FAM135B: variants seen among roughly 807,000 people sequenced by gnomAD.
FAM135B encodes protein FAM135B.
In FAM135B, 43 loss-of-function variants were observed where a neutral mutation model predicts 127.7. That is an observed-to-expected ratio of 0.34 (90% CI 0.26 to 0.43). The LOEUF (loss-of-function observed/expected upper bound fraction) is 0.43. Ranked by LOEUF, FAM135B falls within the 20% of genes least tolerant of loss-of-function variation. FAM135B has a pLI of 1.00. For synonymous variants in FAM135B, 670 were observed against 665.1 expected, an observed-to-expected ratio of 1.01 and a Z score of -0.11; for missense variants, 1,558 against 1,725.6, an observed-to-expected ratio of 0.90 and a Z score of 1.72.
At position 138,366,392 on chromosome 8, in the gene FAM135B, T is replaced by A. The variant is rs185732056; in HGVS notation, c.77+1515A>T. Among the ~76,000 whole-genome samples, 561 of 152,058 alleles carry A rather than the reference T, an allele frequency of 3.7e-3. 3 individuals carry two copies. Among genetic ancestry groups the A allele is most frequent in the Admixed American group, 0.011 (166 of 15,278 alleles). The stretch of plus-strand genomic sequence containing the variant: ...CAGTAGCACAGCCTGGACTCAGGAG[T>A]ACTGGCCCCAAGCCCAGGGCTCCTA... On this transcript the variant is annotated intron_variant, in intron 2 of 19. Transcript: ENST00000395297.
At chr8:138,208,575 G>A (rs7008339) in intron 7 of FAM135B, among the ~76,000 whole-genome samples, 109,515 of 152,178 alleles carry the variant, frequency 0.72, 39,661 homozygotes, top group East Asian at 0.82. Flanking sequence ...CAAAGAAACA[G>A]AGTCCCACAA....
intron 2 of FAM135B, among the ~76,000 whole-genome samples, chr8:138,320,039 C>G (rs1168153554): frequency 6.6e-6 from 1 of 152,190 alleles, no homozygotes. Flanking sequence ...GAAACAGACT[C>G]TTCTACTGCA....
rs116659814 is a variant in FAM135B at position 138,177,864 on chromosome 8, C to A, written c.1030-444G>T. Among the ~76,000 whole-genome samples the A allele has an allele frequency of 6.2e-3, 949 of 152,246 alleles. 8 individuals are homozygous for A. The highest frequency in any genetic ancestry group is 0.02 in the African/African-American group (838 of 41,522). ...TCTAACTAGATGTTGATCTAAATACCAGCATATTTAGTTATGCATCAGCAC... is the reference window on the plus strand; with the variant it reads ...TCTAACTAGATGTTGATCTAAATACAAGCATATTTAGTTATGCATCAGCAC... On this transcript the variant is annotated intron_variant, in intron 10 of 19. Coordinates refer to ENST00000395297, the MANE Select transcript of FAM135B (RefSeq NM_015912.4).
chr8:138,190,583 T>C (rs954819895), intron 9 of FAM135B, among the ~76,000 whole-genome samples: 5 of 152,254 alleles, frequency 3.3e-5, no homozygotes, highest in Non-Finnish European at 7.3e-5. Context: ...ATCTACATTG[T>C]ATAGAGAATC....
chr8:138,402,136 T>G (rs540262699), intron 1 of FAM135B, among the ~76,000 whole-genome samples: 2 of 152,160 alleles, frequency 1.3e-5, no homozygotes, highest in African/African-American at 4.8e-5. Flanking sequence ...AAGGAATAGC[T>G]GCAGGTCAAC....
intron 2 of FAM135B, among the ~76,000 whole-genome samples, chr8:138,339,206 A>G (rs1343532120): frequency 6.6e-6 from 1 of 152,000 alleles, no homozygotes; most frequent in Non-Finnish European, 1.5e-5. Flanking sequence ...ACATGTATAC[A>G]TATGTAACTA....
intron 4 of FAM135B, among the ~76,000 whole-genome samples, chr8:138,263,252 C>T (rs1171326485): frequency 2.0e-5 from 3 of 152,094 alleles, no homozygotes; most frequent in Non-Finnish European, 2.9e-5. Flanking sequence ...TGGTCCGTAC[C>T]CGTGGCTATC....
chr8:138,343,436 T>C (rs1314807179), intron 2 of FAM135B, among the ~76,000 whole-genome samples: 1 of 152,208 alleles, frequency 6.6e-6, no homozygotes, highest in African/African-American at 2.4e-5. Flanking sequence ...CTCAGGACTC[T>C]GAAAGTCTCC....
intron 3 of FAM135B, among the ~76,000 whole-genome samples, chr8:138,304,585 A>G (rs768534918): frequency 2.6e-5 from 4 of 152,188 alleles, no homozygotes; most frequent in Non-Finnish European, 4.4e-5. Context: ...GAAAGAAAGA[A>G]AAAGGAAGGG....
chr8:138,181,745 T>C (rs1815062843), intron 9 of FAM135B, among the ~76,000 whole-genome samples: 1 of 152,112 alleles, frequency 6.6e-6, no homozygotes, highest in Non-Finnish European at 1.5e-5. Context: ...ATTCAGAGAG[T>C]CCACACACAG....
intron 12 of FAM135B, among the ~76,000 whole-genome samples, chr8:138,158,602 TCAAA>T (rs1416840888): frequency 6.6e-6 from 1 of 151,696 alleles, no homozygotes; most frequent in Non-Finnish European, 1.5e-5. Context: ...CAAGAAAAAA[TCAAA>T]CAACCCCATC....
At chr8:138,401,006 T>C (rs942336426) in intron 1 of FAM135B, among the ~76,000 whole-genome samples, 6 of 152,170 alleles carry the variant, frequency 3.9e-5, no homozygotes, top group African/African-American at 1.4e-4. Context: ...ATTCACAAAA[T>C]GTTTGGGATT....
chr8:138,291,363 T>C (rs1220605517), intron 3 of FAM135B, among the ~76,000 whole-genome samples: 1 of 152,126 alleles, frequency 6.6e-6, no homozygotes, highest in Non-Finnish European at 1.5e-5. Context: ...CACACAAGCA[T>C]TTATACAAGA....
At position 138,243,450 on chromosome 8, in the gene FAM135B, G is replaced by C. The variant is rs537304458; in HGVS notation, c.543-382C>G. Among the ~76,000 whole-genome samples, 1 of 152,152 alleles carries C rather than the reference G, an allele frequency of 6.6e-6. No homozygotes were observed. The highest frequency in any genetic ancestry group is 1.5e-5 in the Non-Finnish European group (1 of 68,028). On this transcript the variant is annotated intron_variant, in intron 6 of 19. Coordinates refer to ENST00000395297, the MANE Select transcript of FAM135B (RefSeq NM_015912.4). This position sits in a 1 kb window ranked among gnomAD's most constrained non-coding sequence, Gnocchi z 7.5. The stretch of plus-strand genomic sequence containing the variant: ...CAGACAAGGTCTGAGTCCTGTCCCT[G>C]CTCCTTCCACCAACTCCTCCCTCCC...
intron 11 of FAM135B, among the ~76,000 whole-genome samples, chr8:138,171,014 C>G (rs528411870): frequency 5.9e-5 from 9 of 152,190 alleles, no homozygotes; most frequent in Non-Finnish European, 1.3e-4. Context: ...GCACTCCATG[C>G]GCTCCCAGGC....
intron 1 of FAM135B, among the ~76,000 whole-genome samples, chr8:138,371,692 A>T (rs886507448): frequency 3.9e-5 from 6 of 152,100 alleles, no homozygotes; most frequent in African/African-American, 1.4e-4. Context: ...CATCAGAAAA[A>T]CCAGCACTCA....
chr8:138,265,500 C>T (rs1247950761), intron 4 of FAM135B, among the ~76,000 whole-genome samples: 1 of 152,122 alleles, frequency 6.6e-6, no homozygotes, highest in Admixed American at 6.5e-5. Context: ...CTTGAGACTA[C>T]ATGGAACAAG....
At chr8:138,466,846 A>C (rs536405338) in intron 1 of FAM135B, among the ~76,000 whole-genome samples, 1 of 152,232 alleles carries the variant, frequency 6.6e-6, no homozygotes, top group African/African-American at 2.4e-5. Flanking sequence ...TCCTTTCCTG[A>C]ATAAGTATAG....
chr8:138,416,845 T>C (rs571387803), intron 1 of FAM135B, among the ~76,000 whole-genome samples: 5 of 152,030 alleles, frequency 3.3e-5, no homozygotes, highest in African/African-American at 1.2e-4. Flanking sequence ...GGGAGGAAGG[T>C]AGAAGCCCTG....
Sources: gnomAD v4.1 joint callset for allele counts (sites outside exome capture counted in the v4.1 genomes callset) on GRCh38, gnomAD v4.1.1 for gene constraint, Gnocchi (gnomAD v3.1) non-coding constraint, MANE v1.5 for transcripts, NCBI Gene and HGNC (gene_info 2026-07-23, HGNC 2026-07-21) for gene names.